The following NXPE2 variants were observed in gnomAD, a reference collection of about 807,000 sequenced individuals.
NXPE2 encodes NXPE family member 2.
A neutral mutation model predicts 34.4 loss-of-function variants in NXPE2; 34 were observed. The observed-to-expected ratio is 0.99, with a 90% CI of 0.75 to 1.31. NXPE2 has a LOEUF of 1.31. Among genes scored for constraint, NXPE2 ranks in the 40% most tolerant of loss-of-function variants. The pLI is 0.00. For missense variants in NXPE2, 649 were observed against 672.5 expected, an observed-to-expected ratio of 0.97 and a Z score of 0.39; for synonymous variants, 235 against 231.3, an observed-to-expected ratio of 1.02 and a Z score of -0.15.
the NXPE2 span, among the ~76,000 whole-genome samples, chr11:114,651,065 C>T: frequency 6.6e-6 from 1 of 151,414 alleles, no homozygotes. Context: ...TAATAGCTAG[C>T]ATAATGTATA....
At chr11:114,711,865 A>G (rs1859620052), downstream of NXPE2, among the ~76,000 whole-genome samples, 1 of 152,186 alleles carries the variant, frequency 6.6e-6, no homozygotes. Flanking sequence ...CAAAGCAACA[A>G]TAATTAAGAT....
Position 114,698,615 on chromosome 11 carries a change from C to G in NXPE2, c.703C>G (p.Leu235Val). The G allele has an allele frequency of 6.2e-7, 1 of 1,614,182 alleles. No homozygotes were observed. The highest frequency in any genetic ancestry group is 8.5e-7 in the Non-Finnish European group (1 of 1,180,026). The change falls in exon 3 of 6, where the codon CTA (leucine) becomes GTA (valine). Residue 235 changes from leucine to valine, a missense_variant. Physicochemically the swap from Leu to Val is conservative, Grantham distance 32 (BLOSUM62 1). Transcript: ENST00000389586. ...SNVFTECGLTLNTNAELCQYM... is the reference protein window; with the variant it reads ...SNVFTECGLTVNTNAELCQYM... ...TGTCTTCACTGAATGTGGCCTGACCCTAAACACAAATGCTGAACTGTGCCA... is the reference window on the plus strand; with the variant it reads ...TGTCTTCACTGAATGTGGCCTGACCGTAAACACAAATGCTGAACTGTGCCA...
At chr11:114,523,173 C>G in the NXPE2 span, 1 of 977,342 alleles carries the variant, frequency 1.0e-6, no homozygotes. Flanking sequence ...CATTTTCTTG[C>G]TCTCTTTCCC....
At chr11:114,516,724 C>T in the NXPE2 span, among the ~76,000 whole-genome samples, 1 of 152,088 alleles carries the variant, frequency 6.6e-6, no homozygotes, top group Non-Finnish European at 1.5e-5. Flanking sequence ...GGACACAAAG[C>T]CACATGAAAA....
the NXPE2 span, among the ~76,000 whole-genome samples, chr11:114,724,064 T>C: frequency 1.3e-5 from 2 of 152,178 alleles, no homozygotes; most frequent in East Asian, 1.9e-4. Context: ...TTAAAAAATA[T>C]AATGTCAAAC....
chr11:114,803,960 C>T, the NXPE2 span, among the ~76,000 whole-genome samples: 1 of 152,162 alleles, frequency 6.6e-6, no homozygotes, highest in Non-Finnish European at 1.5e-5. Flanking sequence ...AAAGGTCCTC[C>T]ATTTAAAACT....
At chr11:114,624,661 C>A in the NXPE2 span, among the ~76,000 whole-genome samples, 1 of 151,934 alleles carries the variant, frequency 6.6e-6, no homozygotes, top group African/African-American at 2.4e-5. Context: ...TTGTGGGTAA[C>A]CATGGTTACC....
At chr11:114,757,132 A>G in the NXPE2 span, among the ~76,000 whole-genome samples, 10 of 152,302 alleles carry the variant, frequency 6.6e-5, no homozygotes, top group East Asian at 1.9e-3. Flanking sequence ...GCAAATATAA[A>G]TCAATTTTCT....
At chr11:114,769,572 C>T in the NXPE2 span, among the ~76,000 whole-genome samples, 155 of 152,222 alleles carry the variant, frequency 1.0e-3, no homozygotes, top group African/African-American at 3.6e-3. Context: ...AAATGCCCAT[C>T]AATGATAGAC....
At chr11:114,498,800 A>ATT in the NXPE2 span, among the ~76,000 whole-genome samples, 113 of 152,168 alleles carry the variant, frequency 7.4e-4, no homozygotes, top group Middle Eastern at 3.4e-3. Context: ...ATGCTAGTGG[A>ATT]TTAGCATGTT....
At position 114,698,645 on chromosome 11, in the gene NXPE2, A is replaced by T. The variant is rs558035279; in HGVS notation, c.733A>T (p.Met245Leu). Residue 245 changes from methionine to leucine, a missense_variant, in exon 3 of 6, where the codon ATG becomes TTG. Coordinates refer to ENST00000389586, the MANE Select transcript of NXPE2 (RefSeq NM_182495.6). ...CACAAATGCTGAACTGTGCCAGTAC[A>T]TGGATGACAGAGACCAAGAAGCCTT... Reference protein sequence around the residue: ...LNTNAELCQYMDDRDQEAFYC... With the variant: ...LNTNAELCQYLDDRDQEAFYC... 1 of 1,614,192 alleles carries T rather than the reference A, an allele frequency of 6.2e-7. No individual in the cohort carries two copies. The highest frequency in any genetic ancestry group is 1.3e-5 in the African/African-American group (1 of 75,052).
chr11:114,758,148 C>T, the NXPE2 span, among the ~76,000 whole-genome samples: 1 of 150,516 alleles, frequency 6.6e-6, no homozygotes, highest in Non-Finnish European at 1.5e-5. Context: ...TGGAGTTGTT[C>T]ACAGACACTA....
chr11:114,655,905 A>G, the NXPE2 span, among the ~76,000 whole-genome samples: 79 of 152,280 alleles, frequency 5.2e-4, no homozygotes, highest in African/African-American at 1.4e-3. Context: ...TCTATTCTAC[A>G]TAGTTTTGGA....
At chr11:114,810,274 G>A in the NXPE2 span, among the ~76,000 whole-genome samples, 1 of 151,030 alleles carries the variant, frequency 6.6e-6, no homozygotes, top group Non-Finnish European at 1.5e-5. Context: ...TCAGGACATA[G>A]GCATGGGCAA....
chr11:114,608,781 G>A, the NXPE2 span, among the ~76,000 whole-genome samples: 11 of 119,678 alleles, frequency 9.2e-5, no homozygotes, highest in South Asian at 7.9e-4. Flanking sequence ...GGATAACCAC[G>A]GTTACCCTGT....
chr11:114,602,015 TATATA>T, the NXPE2 span, among the ~76,000 whole-genome samples: 292 of 90,574 alleles, frequency 3.2e-3, 2 homozygotes, highest in Middle Eastern at 0.029. Flanking sequence ...TATTATATTA[TATATA>T]ATATATGTTA....
At chr11:114,644,234 GAATACCTTT>G in the NXPE2 span, among the ~76,000 whole-genome samples, 1 of 152,024 alleles carries the variant, frequency 6.6e-6, no homozygotes, top group Admixed American at 6.6e-5. Context: ...CTTCCTGTTC[GAATACCTTT>G]ATTTCTTTCT....
At chr11:114,637,140 G>A in the NXPE2 span, among the ~76,000 whole-genome samples, 5 of 151,616 alleles carry the variant, frequency 3.3e-5, no homozygotes, top group South Asian at 2.1e-4. Flanking sequence ...TATGAATCTA[G>A]GTGCTCCTGT....
At chr11:114,786,703 G>T in the NXPE2 span, among the ~76,000 whole-genome samples, 1 of 152,158 alleles carries the variant, frequency 6.6e-6, no homozygotes, top group Non-Finnish European at 1.5e-5. Context: ...CCATATCATT[G>T]TTTCTAGTTT....
Sources: gnomAD v4.1 joint callset for allele counts (sites outside exome capture counted in the v4.1 genomes callset) on GRCh38, gnomAD v4.1.1 for gene constraint, MANE v1.5 for transcripts, NCBI Gene and HGNC (gene_info 2026-07-23, HGNC 2026-07-21) for gene names.